CTSH: variants seen among roughly 807,000 people sequenced by gnomAD.
The protein encoded by CTSH is pro-cathepsin H.
In CTSH, 52 loss-of-function variants were observed where a neutral mutation model predicts 56.3. The observed-to-expected ratio is 0.92, with a 90% CI of 0.74 to 1.16. The LOEUF is 1.16. Ranked by LOEUF, CTSH falls within the 50% of genes most tolerant of loss-of-function variation. The pLI is 0.00. For missense variants in CTSH, 406 were observed against 424.5 expected (o/e 0.96, Z 0.38); for synonymous variants, 174 against 155.7 (o/e 1.12, Z -0.88).
intron 5 of CTSH, among the ~76,000 whole-genome samples, chr15:78,932,689 C>T (rs965945892): frequency 6.6e-5 from 10 of 151,978 alleles, no homozygotes; most frequent in East Asian, 1.9e-4. Context: ...TTCTGAGCCT[C>T]GCAAGTCCTG....
chr15:78,927,307 C>T, intron 9 of CTSH: 1 of 241,140 alleles, frequency 4.1e-6, no homozygotes, highest in South Asian at 5.7e-5. Flanking sequence ...GTCAGCCATG[C>T]AGATTGGGCA....
chr15:78,938,380 A>AT (rs1370569995), intron 2 of CTSH, among the ~76,000 whole-genome samples: 4 of 151,852 alleles, frequency 2.6e-5, no homozygotes, highest in Non-Finnish European at 5.9e-5. Flanking sequence ...AAAAAAAAAA[A>AT]ATATTTTGTA....
At position 78,923,009 on chromosome 15, in the gene CTSH, G is replaced by A; in HGVS notation, c.916C>T (p.Gln306Ter). 1.2e-6 allele frequency: 2 copies of A among 1,611,812 alleles called. No individual in the cohort carries two copies. Among genetic ancestry groups the A allele is most frequent in the Non-Finnish European group, 1.7e-6 (2 of 1,179,240 alleles). ...GCTGCTTACCCGTTCATTCCCCACTGGGGACCCCAAGAGTTTTTCACGATC... is the reference window on the plus strand; with the variant it reads ...GCTGCTTACCCGTTCATTCCCCACTAGGGACCCCAAGAGTTTTTCACGATC... Reference protein sequence around the residue: ...YWIVKNSWGPQWGMNGYFLIE... With the variant: ...YWIVKNSWGP The change falls in exon 11 of 12, where the codon CAG (glutamine) becomes TAG (stop). Residue 306 changes from glutamine to a stop codon, truncating the protein, a stop_gained. Coordinates refer to ENST00000220166, the MANE Select transcript of CTSH (RefSeq NM_004390.5). LOFTEE classifies it high-confidence loss of function.
At chr15:78,941,575 G>A (rs1171637543) in intron 1 of CTSH, among the ~76,000 whole-genome samples, 3 of 151,950 alleles carry the variant, frequency 2.0e-5, no homozygotes, top group Non-Finnish European at 2.9e-5. Context: ...GGCGGATCAC[G>A]AGTTCAGAAG....
chr15:78,934,490 C>T (rs1466096945), intron 5 of CTSH, among the ~76,000 whole-genome samples: 1 of 152,238 alleles, frequency 6.6e-6, no homozygotes, highest in Non-Finnish European at 1.5e-5. Flanking sequence ...TTGCCAAGCC[C>T]TCTGTGCCCC....
chr15:78,932,260 C>T (rs1051123846), intron 6 of CTSH, 112 bp downstream of exon 6: 1 of 958,614 alleles, frequency 1.0e-6, no homozygotes, highest in Non-Finnish European at 1.6e-6. Context: ...GCATCTGGGT[C>T]CACCTGAAAC....
intron 9 of CTSH, chr15:78,927,089 TTC>T (rs1374536599): frequency 2.0e-5 from 3 of 152,824 alleles, no homozygotes; most frequent in Non-Finnish European, 4.4e-5. Flanking sequence ...CACGTTCCAG[TTC>T]TCTCTGGGAG....
At chr15:78,939,775 T>G (rs970585521) in intron 1 of CTSH, among the ~76,000 whole-genome samples, 3 of 152,166 alleles carry the variant, frequency 2.0e-5, no homozygotes, top group African/African-American at 7.2e-5. Context: ...TAATCCCAGC[T>G]ACTCGGGAGG....
At position 78,923,090 on chromosome 15, in the gene CTSH, C is replaced by T; in HGVS notation, c.835G>A (p.Val279Ile). Residue 279 changes from valine to isoleucine, a missense_variant, in exon 11 of 12, where the codon GTA (valine) becomes ATA (isoleucine). By Grantham distance (29) the Val-to-Ile change is conservative. Transcript: ENST00000220166. ...CCAACAGCCAGTACTGCATGGTTTA[C>T]TTTATCTGGAGTTTTATGGCAGGAA... is the stretch of plus-strand genomic sequence containing the variant. ...STSCHKTPDKVNHAVLAVGYG... is the reference protein window; with the variant it reads ...STSCHKTPDKINHAVLAVGYG... 1.2e-6 allele frequency: 2 copies of T among 1,612,274 alleles called. No individual in the cohort carries two copies. The highest frequency in any genetic ancestry group is 1.7e-6 in the Non-Finnish European group (2 of 1,179,532).
At chr15:78,922,914 G>A in intron 11 of CTSH, 79 bp downstream of exon 11, 3 of 1,510,800 alleles carry the variant, frequency 2.0e-6, no homozygotes, top group Non-Finnish European at 2.7e-6. Flanking sequence ...CCGTAACTCT[G>A]AGGTGGAAGT....
intron 9 of CTSH, 101 bp downstream of exon 9, chr15:78,927,612 C>T: frequency 2.0e-6 from 2 of 1,006,888 alleles, no homozygotes; most frequent in Non-Finnish European, 3.1e-6. Flanking sequence ...GGATGTGCTG[C>T]CAGAAGGGCT....
chr15:78,934,074 G>A (rs1465583546), intron 5 of CTSH, among the ~76,000 whole-genome samples: 10 of 152,100 alleles, frequency 6.6e-5, no homozygotes, highest in African/African-American at 2.2e-4. Context: ...AAAATGTCAC[G>A]GGGCAAAGGC....
Position 78,927,729 on chromosome 15 carries a change from A to C in CTSH, c.683T>G (p.Val228Gly). 1 of 1,614,174 alleles carries C rather than the reference A, an allele frequency of 6.2e-7. No homozygotes were observed. ...GGCACTCACGATTGTGATGTTGGCT[A>C]CATCCTTGACAAAGCCGATGGCCTT... ...PGKAIGFVKDVANITIYDEEA... is the reference protein window; with the variant it reads ...PGKAIGFVKDGANITIYDEEA... The change falls in exon 9 of 12, where the codon GTA (valine) becomes GGA (glycine). Residue 228 changes from valine to glycine, a missense_variant. Coordinates refer to ENST00000220166, the MANE Select transcript of CTSH (RefSeq NM_004390.5).
intron 9 of CTSH, chr15:78,926,486 G>T (rs76893083): frequency 6.6e-6 from 1 of 152,274 alleles, no homozygotes; most frequent in Non-Finnish European, 1.5e-5. Context: ...TGGCCTGGTC[G>T]TCAGGGCCCT....
chr15:78,933,503 C>T (rs185720695), intron 5 of CTSH: 1 of 454,210 alleles, frequency 2.2e-6, no homozygotes, highest in Admixed American at 2.4e-5. Flanking sequence ...CAGGTCATCA[C>T]CCTAGGTTGA....
chr15:78,934,321 G>A (rs528704728), intron 5 of CTSH, among the ~76,000 whole-genome samples: 77 of 152,334 alleles, frequency 5.1e-4, no homozygotes, highest in Non-Finnish European at 9.3e-4. Flanking sequence ...TCCAGAGGTC[G>A]GCATCCTTCT....
intron 2 of CTSH, chr15:78,937,870 CTTT>C: frequency 8.5e-7 from 1 of 1,176,224 alleles, no homozygotes; most frequent in South Asian, 1.3e-5. Flanking sequence ...AACTGATGTA[CTTT>C]TTTTGGTAAA....
chr15:78,933,605 C>T (rs141410213), intron 5 of CTSH: 17 of 445,200 alleles, frequency 3.8e-5, no homozygotes, highest in African/African-American at 2.6e-4. Flanking sequence ...AGACAGTCAA[C>T]GAGGCAGACG....
At chr15:78,937,709 G>T (rs1482680583) in intron 2 of CTSH, 2 of 1,369,884 alleles carry the variant, frequency 1.5e-6, no homozygotes, top group Non-Finnish European at 1.9e-6. Context: ...GGCACTCCTG[G>T]ACGCCACTGC....
Sources: gnomAD v4.1 joint callset for allele counts (sites outside exome capture counted in the v4.1 genomes callset) on GRCh38, gnomAD v4.1.1 for gene constraint, MANE v1.5 for transcripts, NCBI Gene and HGNC (gene_info 2026-07-23, HGNC 2026-07-21) for gene names.